KCNC4: variants seen among roughly 807,000 people sequenced by gnomAD.
The protein encoded by KCNC4 is potassium voltage-gated channel subfamily C member 4.
In KCNC4, 23 loss-of-function variants were observed where a neutral mutation model predicts 42.8. That is an observed-to-expected ratio of 0.54 (90% CI 0.39 to 0.76). KCNC4 has a LOEUF of 0.76. KCNC4 is among the 30% of genes least tolerant of loss of function. The pLI, the probability that KCNC4 is intolerant of heterozygous loss-of-function variation, is 0.00. For synonymous variants in KCNC4, 422 were observed against 393.5 expected, an observed-to-expected ratio of 1.07 and a Z score of -0.86; for missense variants, 751 against 898.2, an observed-to-expected ratio of 0.84 and a Z score of 2.10.
intron 1 of KCNC4, among the ~76,000 whole-genome samples, chr1:110,266,795 C>T (rs1001672823): frequency 6.6e-5 from 10 of 152,138 alleles, no homozygotes; most frequent in Admixed American, 2.0e-4. Flanking sequence ...CCAAGGGACC[C>T]GAATACCAGG....
chr1:110,258,240 TC>T (rs1165223939), intron 1 of KCNC4, among the ~76,000 whole-genome samples: 2 of 152,208 alleles, frequency 1.3e-5, no homozygotes. Flanking sequence ...GGTTTTTGTT[TC>T]CTGCTTCTTT....
intron 1 of KCNC4, among the ~76,000 whole-genome samples, chr1:110,264,213 C>T (rs543603273): frequency 6.6e-6 from 1 of 152,114 alleles, no homozygotes; most frequent in South Asian, 2.1e-4. Flanking sequence ...GGCAAGGAGA[C>T]GGAGGTTACA....
intron 1 of KCNC4, among the ~76,000 whole-genome samples, chr1:110,262,718 C>T (rs150901922): frequency 5.3e-5 from 8 of 152,316 alleles, no homozygotes; most frequent in Non-Finnish European, 4.4e-5. Context: ...GAAGCCCTTC[C>T]TCTCCCCTAC....
At chr1:110,262,764 T>A (rs1659477256) in intron 1 of KCNC4, among the ~76,000 whole-genome samples, 1 of 152,198 alleles carries the variant, frequency 6.6e-6, no homozygotes, top group African/African-American at 2.4e-5. Flanking sequence ...AGGTACTTCT[T>A]AGGTCCCATT....
chr1:110,238,285 C>G (rs1416234946), downstream of KCNC4: 1 of 152,196 alleles, frequency 6.6e-6, no homozygotes, highest in Non-Finnish European at 1.5e-5. Context: ...AAATACGAGT[C>G]TACAGAAATG....
intron 1 of KCNC4, among the ~76,000 whole-genome samples, chr1:110,271,179 T>C (rs1320397561): frequency 1.3e-5 from 2 of 152,064 alleles, no homozygotes; most frequent in Non-Finnish European, 2.9e-5. Context: ...GGTTAAACCT[T>C]CAGAGGTGGG....
chr1:110,224,092 C>T (rs1404341475), intron 2 of KCNC4, 192 bp downstream of exon 2: 2 of 585,300 alleles, frequency 3.4e-6, no homozygotes, highest in South Asian at 2.3e-5. Context: ...GATAGCTTCC[C>T]GAACATCAGA....
At chr1:110,236,207 A>G (rs1658901915), downstream of KCNC4, 1 of 152,248 alleles carries the variant, frequency 6.6e-6, no homozygotes, top group Non-Finnish European at 1.5e-5. Context: ...AGTGCTGGGC[A>G]GTACATTTCA....
chr1:110,282,820 A>C (rs777804856), intron 2 of KCNC4, among the ~76,000 whole-genome samples: 1 of 152,334 alleles, frequency 6.6e-6, no homozygotes, highest in South Asian at 2.1e-4. Context: ...TAAATCCCTA[A>C]GAGACTGATG....
Position 110,210,570 on chromosome 1 carries a change from G to T in KCNC4, c.-930G>T, listed in dbSNP as rs1411645259. Among the ~76,000 whole-genome samples the T allele has an allele frequency of 3.3e-5, 5 of 151,732 alleles. No homozygotes were observed. The South Asian group carries it at 8.3e-4, about 25-fold the overall frequency. On this transcript the variant is annotated 5_prime_UTR_variant, in exon 1 of 4. It adds an upstream start codon to the 5' untranslated region. Coordinates refer to ENST00000438661, the MANE Select transcript of KCNC4 (RefSeq NM_001039574.3). ...CTCCGCGCGGCCCGGGAAGCCTGCA[G>T]GTGTCCTTGGCCGCTCGGCCGCCGC...
intron 3 of KCNC4, chr1:110,232,579 C>G: frequency 4.9e-6 from 7 of 1,435,750 alleles, no homozygotes; most frequent in Non-Finnish European, 6.4e-6. Context: ...GTTCCTGGAG[C>G]TAGTGGTTAC....
At chr1:110,275,099 A>T (rs1193562448) in intron 1 of KCNC4, among the ~76,000 whole-genome samples, 1 of 152,244 alleles carries the variant, frequency 6.6e-6, no homozygotes, top group Non-Finnish European at 1.5e-5. Context: ...AAATATTTGC[A>T]AACTATGCAT....
chr1:110,254,706 A>G (rs995777615), intron 1 of KCNC4, among the ~76,000 whole-genome samples: 1 of 152,208 alleles, frequency 6.6e-6, no homozygotes, highest in African/African-American at 2.4e-5. Context: ...GGAGACTAGG[A>G]ATATATTCAA....
At chr1:110,255,400 A>T (rs1466382955) in intron 1 of KCNC4, among the ~76,000 whole-genome samples, 2 of 152,120 alleles carry the variant, frequency 1.3e-5, no homozygotes, top group Non-Finnish European at 2.9e-5. Flanking sequence ...ACCCTACTCC[A>T]TGTCCCCAGG....
chr1:110,211,838 C>T lies in KCNC4; in HGVS notation c.339C>T (p.Gly113=). ...FAYVLNYYRT[G]KLHCPADVCG... Reference sequence around the variant, plus strand: ...ACGTGCTCAACTACTACCGCACCGGCAAGCTGCACTGCCCCGCGGACGTGT... The same window carrying T: ...ACGTGCTCAACTACTACCGCACCGGTAAGCTGCACTGCCCCGCGGACGTGT... The change falls in exon 1 of 4, where the codon GGC becomes GGT. Residue 113 remains glycine, a synonymous_variant. Coordinates refer to ENST00000438661, the MANE Select transcript of KCNC4 (RefSeq NM_001039574.3). This position sits in a 1 kb window ranked among gnomAD's most constrained non-coding sequence, Gnocchi z 6.5. The T allele has an allele frequency of 6.2e-7, 1 of 1,611,710 alleles. No individual in the cohort carries two copies. The highest frequency in any genetic ancestry group is 8.5e-7 in the Non-Finnish European group (1 of 1,179,828).
At chr1:110,258,154 T>C (rs958785706) in intron 1 of KCNC4, among the ~76,000 whole-genome samples, 11 of 152,364 alleles carry the variant, frequency 7.2e-5, no homozygotes, top group Admixed American at 3.9e-4. Flanking sequence ...GACACTTTCC[T>C]AGGCACTAAA....
At chr1:110,265,337 C>T (rs1157189946) in intron 1 of KCNC4, among the ~76,000 whole-genome samples, 5 of 149,064 alleles carry the variant, frequency 3.4e-5, no homozygotes, top group African/African-American at 1.2e-4. Flanking sequence ...GAGTTTCCAG[C>T]AGCAGAAATA....
chr1:110,213,673 C>T (rs1299333467), intron 1 of KCNC4, among the ~76,000 whole-genome samples: 2 of 152,254 alleles, frequency 1.3e-5, no homozygotes, highest in African/African-American at 2.4e-5. Context: ...GTCTGGGTTT[C>T]TTTCCTTGCA....
chr1:110,223,862 C>T lies in KCNC4; in HGVS notation c.1577C>T (p.Pro526Leu). The T allele has an allele frequency of 6.2e-7, 1 of 1,604,744 alleles. No homozygotes were observed. Among genetic ancestry groups the T allele is most frequent in the Non-Finnish European group, 8.5e-7 (1 of 1,173,766 alleles). ...RDSTCSDTSP[P>L]AREEGMIERK... The stretch of plus-strand genomic sequence containing the variant: ...AGCACCTGCAGTGATACCAGCCCCC[C>T]TGCCCGGGAAGAGGGTATGATCGAG... The change falls in exon 2 of 4, where the codon CCT (proline) becomes CTT (leucine). Residue 526 changes from proline (P) to leucine (L), a missense_variant. Physicochemically the swap from Pro to Leu is moderately conservative, Grantham distance 98. Coordinates refer to ENST00000438661, the MANE Select transcript of KCNC4 (RefSeq NM_001039574.3). The surrounding 1 kb of genome is among the most constrained non-coding windows in gnomAD (Gnocchi z 7.5).
Sources: allele counts gnomAD v4.1 joint callset (sites outside exome capture counted in the v4.1 genomes callset), GRCh38; gene constraint gnomAD v4.1.1; non-coding constraint Gnocchi (gnomAD v3.1); transcripts MANE v1.5; gene names NCBI Gene and HGNC (gene_info 2026-07-23, HGNC 2026-07-21).